SHOX: variants seen among roughly 807,000 people sequenced by gnomAD.
SHOX encodes the protein SHOX homeobox.
Under a neutral mutation model 29.6 loss-of-function variants are expected in SHOX, and 12 were observed. The observed-to-expected ratio is 0.41, with a 90% CI of 0.26 to 0.66. The LOEUF (loss-of-function observed/expected upper bound fraction) is 0.66. Among genes scored for constraint, SHOX ranks in the 30% least tolerant of loss-of-function variants. The pLI is 0.35. For synonymous variants in SHOX, 214 were observed against 200.6 expected (o/e 1.07, Z -0.57); for missense variants, 499 against 437.7 (o/e 1.14, Z -1.25).
intron 5 of SHOX, chrX:658,736 C>T (rs1202926517): frequency 8.7e-6 from 3 of 345,366 alleles, no homozygotes; most frequent in South Asian, 4.8e-5. Context: ...TCCCAAAGTG[C>T]TGGGACTACA....
intron 1 of SHOX, among the ~76,000 whole-genome samples, chrX:633,047 G>T (rs1423451588): frequency 6.6e-6 from 1 of 152,156 alleles, no homozygotes; most frequent in Non-Finnish European, 1.5e-5. Context: ...GGCCACAGGA[G>T]AGGAGACAGA....
chrX:630,215 C>G (rs1250729388), upstream of SHOX, among the ~76,000 whole-genome samples: 1 of 152,126 alleles, frequency 6.6e-6, no homozygotes, highest in African/African-American at 2.4e-5. Context: ...TCTCCAGCCG[C>G]GTTCCATCTC....
At chrX:634,874 C>T (rs1343375755) in intron 2 of SHOX, 48 bp downstream of exon 2, 2 of 1,532,768 alleles carry the variant, frequency 1.3e-6, no homozygotes, top group Non-Finnish European at 1.8e-6. Flanking sequence ...ATCGCCTGGT[C>T]CTCGGGAGCG....
rs377637158 is a variant in SHOX, at chrX:631,387, G to T, written c.277+213G>T. Reference sequence around the variant, plus strand: ...GGGTGGTGGGTAGCGGGGTGCGGGGGGACCCAGGGAGGGTCGCAGCGGGGG... The same window carrying T: ...GGGTGGTGGGTAGCGGGGTGCGGGGTGACCCAGGGAGGGTCGCAGCGGGGG... On this transcript the variant is annotated intron_variant, in intron 1 of 4. Transcript: ENST00000686671. Among the ~76,000 whole-genome samples the T allele has an allele frequency of 1.7e-4, 26 of 152,322 alleles. No individual in the cohort carries two copies. The East Asian group carries it at 4.1e-3, about 24-fold the overall frequency.
chrX:634,435 C>T (rs1326284891), intron 1 of SHOX, among the ~76,000 whole-genome samples, 183 bp from the exon 2 acceptor site: 2 of 152,218 alleles, frequency 1.3e-5, no homozygotes, highest in Non-Finnish European at 2.9e-5. Context: ...GTGCAAAGCC[C>T]AGGTTTTTGG....
At chrX:625,203 T>TCTCCTCCTC (rs200808982) in intron 1 of SHOX, among the ~76,000 whole-genome samples, 1 of 122,618 alleles carries the variant, frequency 8.2e-6, no homozygotes, top group Non-Finnish European at 1.7e-5. Context: ...TCCTCCTCCT[T>TCTCCTCCTC]CTCCTCCTCC....
rs141708560 is a variant in SHOX, at chrX:651,179, G to A, written c.*6543G>A. On this transcript the variant is annotated 3_prime_UTR_variant, in exon 5 of 5. Transcript: ENST00000686671. The stretch of plus-strand genomic sequence containing the variant: ...ATGTCGAGTGTAAATTTGACATCGC[G>A]TTGCATTTATTTTTATATTTCTGAA... 9,890 of 411,026 alleles carry A rather than the reference G, an allele frequency of 0.024. 173 individuals carry two copies. The highest frequency in any genetic ancestry group is 0.03 in the Non-Finnish European group (6,145 of 204,470). 25.5% of individuals were successfully genotyped at this position (411,026 alleles called of 1,614,324 possible).
chrX:634,970 G>A (rs2052719236), intron 2 of SHOX, 144 bp downstream of exon 2: 3 of 792,656 alleles, frequency 3.8e-6, no homozygotes, highest in Admixed American at 2.8e-5. Flanking sequence ...ACGGGCTGGG[G>A]TTCCTGGACT....
intron 1 of SHOX, among the ~76,000 whole-genome samples, chrX:633,354 C>A (rs1470033543): frequency 2.0e-5 from 3 of 151,944 alleles, no homozygotes; most frequent in African/African-American, 4.8e-5. Flanking sequence ...GAGCTGGGGT[C>A]GTCTCCAGGA....
chrX:634,550 C>G (rs997807686), intron 1 of SHOX, 68 bp from the exon 2 acceptor site: 30 of 1,550,766 alleles, frequency 1.9e-5, no homozygotes, highest in Non-Finnish European at 2.6e-5. Flanking sequence ...GCGGGATGCA[C>G]GAAGGGGTTC....
downstream of SHOX, among the ~76,000 whole-genome samples, chrX:651,748 T>A (rs1381800055): frequency 6.6e-6 from 1 of 151,496 alleles, no homozygotes; most frequent in Non-Finnish European, 1.5e-5. Context: ...CCCCCAGCCT[T>A]AGATCGGGAG....
At chrX:629,545 G>A (rs1225191133), upstream of SHOX, among the ~76,000 whole-genome samples, 2 of 139,074 alleles carry the variant, frequency 1.4e-5, no homozygotes, top group Non-Finnish European at 1.6e-5. Context: ...CCATCTCCCC[G>A]TCTCTCCGTT....
At chrX:644,248 G>A (rs1015426441) in intron 4 of SHOX, 143 bp from the exon 5 acceptor site, 10 of 1,083,456 alleles carry the variant, frequency 9.2e-6, no homozygotes, top group African/African-American at 6.7e-5. Context: ...GGAAAGGCGG[G>A]TGTGGGGTGG....
chrX:644,283 C>G, intron 4 of SHOX, 108 bp from the exon 5 acceptor site: 1 of 1,322,130 alleles, frequency 7.6e-7, no homozygotes, highest in South Asian at 1.6e-5. Flanking sequence ...GAAGGGGCGA[C>G]GCTCCCTAGG....
intron 4 of SHOX, among the ~76,000 whole-genome samples, chrX:643,655 G>T (rs1379327516): frequency 7.5e-6 from 1 of 132,724 alleles, no homozygotes; most frequent in Non-Finnish European, 1.6e-5. Context: ...AGAGGCTGGG[G>T]GACCTGGTGT....
chrX:657,480 A>G (rs1223816537), intron 5 of SHOX, among the ~76,000 whole-genome samples: 1 of 152,208 alleles, frequency 6.6e-6, no homozygotes, highest in Non-Finnish European at 1.5e-5. Context: ...CTTCTAGAAG[A>G]CAAAAGCCAC....
At chrX:624,452 G>C (rs2052463728) in exon 1 of SHOX, 1 of 151,734 alleles carries the variant, frequency 6.6e-6, no homozygotes, top group Non-Finnish European at 1.5e-5. Flanking sequence ...AACAGAAATG[G>C]GAGGGTGGAC....
intron 1 of SHOX, among the ~76,000 whole-genome samples, chrX:625,058 C>CCCTCCTTCCCTCCCTCCTTCT (rs1556451947): frequency 1.3e-5 from 1 of 75,214 alleles, no homozygotes; most frequent in Non-Finnish European, 2.2e-5. Flanking sequence ...TCTGTTCCTT[C>CCCTCCTTCCCTCCCTCCTTCT]CTCCCTCCCT....
downstream of SHOX, among the ~76,000 whole-genome samples, chrX:655,614 C>CTCTCTATATA (rs2053135294): frequency 5.7e-5 from 2 of 35,068 alleles, no homozygotes; most frequent in African/African-American, 2.5e-4. Context: ...CTCTCTCTCT[C>CTCTCTATATA]TATATATATA....
Sources: gnomAD v4.1 joint callset for allele counts (sites outside exome capture counted in the v4.1 genomes callset) on GRCh38, gnomAD v4.1.1 for gene constraint, MANE v1.5 for transcripts, NCBI Gene and HGNC (gene_info 2026-07-23, HGNC 2026-07-21) for gene names.